ST6GALNAC3: variants seen among roughly 807,000 people sequenced by gnomAD.
The protein encoded by ST6GALNAC3 is alpha-N-acetylgalactosaminide alpha-2,6-sialyltransferase 3.
Under a neutral mutation model 32.7 loss-of-function variants are expected in ST6GALNAC3, and 25 were observed. The ratio of observed to expected loss-of-function variants is 0.76; its 90% CI spans 0.56 to 1.07. The LOEUF is 1.07. Ranked by LOEUF, ST6GALNAC3 falls within the 50% of genes least tolerant of loss-of-function variation. The probability of loss-of-function intolerance (pLI) is 0.00; values close to 1 mark genes in which losing one functional copy is unlikely to be tolerated. For missense variants in ST6GALNAC3, 355 were observed against 382.4 expected (o/e 0.93, Z 0.60); for synonymous variants, 129 against 133.1 (o/e 0.97, Z 0.21).
intron 1 of ST6GALNAC3, among the ~76,000 whole-genome samples, chr1:76,305,365 T>A (rs3903914): frequency 6.6e-6 from 1 of 151,946 alleles, no homozygotes; most frequent in African/African-American, 2.4e-5. Context: ...AAGAAATATA[T>A]TGAGTGTAGG....
At chr1:76,494,632 A>G (rs1326987202) in intron 3 of ST6GALNAC3, among the ~76,000 whole-genome samples, 1 of 129,178 alleles carries the variant, frequency 7.7e-6, no homozygotes, top group East Asian at 2.3e-4. Context: ...GCATAAAAAT[A>G]TATTTCATGT....
chr1:76,584,683 C>G (rs1347485168), intron 3 of ST6GALNAC3, among the ~76,000 whole-genome samples: 1 of 152,138 alleles, frequency 6.6e-6, no homozygotes, highest in East Asian at 1.9e-4. Flanking sequence ...TATAAGGAAT[C>G]CTACTTCTGG....
intron 1 of ST6GALNAC3, among the ~76,000 whole-genome samples, chr1:76,261,447 C>T (rs1658228336): frequency 1.3e-5 from 2 of 152,194 alleles, no homozygotes; most frequent in Non-Finnish European, 2.9e-5. Flanking sequence ...AACAAGGAGA[C>T]ACAAGCCCGG....
chr1:76,279,305 TC>T (rs1659363327), intron 1 of ST6GALNAC3, among the ~76,000 whole-genome samples: 1 of 152,226 alleles, frequency 6.6e-6, no homozygotes, highest in Admixed American at 6.5e-5. Flanking sequence ...AAAAGCCTCC[TC>T]TGTGGATCTG....
intron 1 of ST6GALNAC3, among the ~76,000 whole-genome samples, chr1:76,245,207 A>G (rs1373088466): frequency 1.3e-5 from 2 of 152,104 alleles, no homozygotes; most frequent in South Asian, 4.1e-4. Flanking sequence ...TAGATTTTCT[A>G]GTTTATTTGT....
chr1:76,120,618 T>C (rs1648810666), intron 1 of ST6GALNAC3, among the ~76,000 whole-genome samples: 1 of 152,154 alleles, frequency 6.6e-6, no homozygotes, highest in Admixed American at 6.6e-5. Flanking sequence ...TTCCAATCTT[T>C]CTCTGAGCTC....
intron 1 of ST6GALNAC3, among the ~76,000 whole-genome samples, chr1:76,289,138 T>G (rs1659939566): frequency 6.6e-6 from 1 of 152,256 alleles, no homozygotes; most frequent in South Asian, 2.1e-4. Context: ...TACACTTTGG[T>G]GTGTTACCTT....
downstream of ST6GALNAC3, among the ~76,000 whole-genome samples, chr1:76,634,892 G>A (rs1205956513): frequency 5.5e-4 from 24 of 43,258 alleles, 11 homozygotes; most frequent in African/African-American, 4.1e-3. Flanking sequence ...GTAGAGACGG[G>A]GTTTCACCGT....
intron 2 of ST6GALNAC3, among the ~76,000 whole-genome samples, chr1:76,319,900 G>C (rs1646935363): frequency 6.6e-6 from 1 of 152,134 alleles, no homozygotes; most frequent in African/African-American, 2.4e-5. Flanking sequence ...AAATGAATTT[G>C]ACATGTGTGT....
At chr1:76,627,674 C>T (rs957698323) in intron 4 of ST6GALNAC3, 115 bp downstream of exon 4, 1 of 873,420 alleles carries the variant, frequency 1.1e-6, no homozygotes, top group Non-Finnish European at 1.8e-6. Context: ...AATTATTTCC[C>T]AGTGTTCTTT....
intron 1 of ST6GALNAC3, among the ~76,000 whole-genome samples, chr1:76,130,175 C>T (rs1649519225): frequency 2.0e-5 from 3 of 152,214 alleles, no homozygotes; most frequent in Admixed American, 1.3e-4. Flanking sequence ...TTTCATGCAG[C>T]AAACTTGCCA....
At chr1:76,273,766 A>T (rs1658985199) in intron 1 of ST6GALNAC3, among the ~76,000 whole-genome samples, 1 of 152,210 alleles carries the variant, frequency 6.6e-6, no homozygotes, top group African/African-American at 2.4e-5. Context: ...TCAATCCATG[A>T]ATCTCACTTT....
In ST6GALNAC3 at chr1:76,274,423, A is replaced by G. The variant is rs143488501; in HGVS notation, c.19-39382A>G. 5.8e-4 allele frequency among the ~76,000 whole-genome samples: 89 copies of G among 152,220 alleles called. 1 individual carries two copies. In the East Asian group the frequency reaches 0.011, roughly 20 times the overall value. ...GCAATCTTTTATGACTTTGCCCCCA[A>G]TCTCTCCCAATCTCCTGTAATTCAG... On this transcript the variant is annotated intron_variant, in intron 1 of 4. Coordinates refer to ENST00000328299, the MANE Select transcript of ST6GALNAC3 (RefSeq NM_152996.4).
intron 1 of ST6GALNAC3, among the ~76,000 whole-genome samples, chr1:76,145,588 C>G (rs577921785): frequency 1.3e-5 from 2 of 152,268 alleles, no homozygotes; most frequent in East Asian, 3.9e-4. Context: ...TTTTCAATTA[C>G]GGAAATAATT....
chr1:76,100,744 G>A (rs1333363734), intron 1 of ST6GALNAC3, among the ~76,000 whole-genome samples: 6 of 151,048 alleles, frequency 4.0e-5, no homozygotes, highest in Non-Finnish European at 8.8e-5. Flanking sequence ...AGTATGATCA[G>A]TATTGTTTTT....
At chr1:76,437,078 A>G (rs1399077429) in intron 3 of ST6GALNAC3, among the ~76,000 whole-genome samples, 4 of 152,118 alleles carry the variant, frequency 2.6e-5, no homozygotes, top group Non-Finnish European at 4.4e-5. Flanking sequence ...TGTGTTGACA[A>G]TAGTAAGCGT....
intron 3 of ST6GALNAC3, among the ~76,000 whole-genome samples, chr1:76,564,291 T>A (rs1020708467): frequency 6.6e-6 from 1 of 152,202 alleles, no homozygotes; most frequent in Non-Finnish European, 1.5e-5. Flanking sequence ...AATAATTTGT[T>A]GTGATCTATT....
intron 1 of ST6GALNAC3, among the ~76,000 whole-genome samples, chr1:76,179,633 G>A (rs1262563279): frequency 2.0e-5 from 3 of 152,102 alleles, no homozygotes; most frequent in South Asian, 2.1e-4. Flanking sequence ...ACTTTATAGT[G>A]TCCTACAAAA....
At chr1:76,095,901 C>G (rs765250693) in intron 1 of ST6GALNAC3, among the ~76,000 whole-genome samples, 3 of 152,158 alleles carry the variant, frequency 2.0e-5, no homozygotes, top group Non-Finnish European at 4.4e-5. Context: ...CCACCGGGCC[C>G]TCGGACATGC....
Sources: allele counts gnomAD v4.1 joint callset (sites outside exome capture counted in the v4.1 genomes callset), GRCh38; gene constraint gnomAD v4.1.1; transcripts MANE v1.5; gene names NCBI Gene and HGNC (gene_info 2026-07-23, HGNC 2026-07-21).